The following PLPP4 variants were observed in gnomAD, a reference collection of about 807,000 sequenced individuals.
The protein encoded by PLPP4 is phospholipid phosphatase 4, also known as diacylglycerol pyrophosphate like 2.
PLPP4 carries 20 observed loss-of-function variants against 32.2 expected under a neutral mutation model. That is an observed-to-expected ratio of 0.62 (90% CI 0.44 to 0.90). The LOEUF is 0.90. Ranked by LOEUF, PLPP4 falls within the 40% of genes least tolerant of loss-of-function variation. PLPP4 has a pLI of 0.00. For missense variants in PLPP4, 257 were observed against 353.1 expected, an observed-to-expected ratio of 0.73 and a Z score of 2.18; for synonymous variants, 127 against 133.0, an observed-to-expected ratio of 0.95 and a Z score of 0.31.
intron 1 of PLPP4, among the ~76,000 whole-genome samples, chr10:120,480,459 A>C (rs932870539): frequency 6.6e-6 from 1 of 152,234 alleles, no homozygotes; most frequent in African/African-American, 2.4e-5. Flanking sequence ...TGCGAATGAC[A>C]GAAGACCGAG....
chr10:120,480,442 T>C (rs1844143847), intron 1 of PLPP4, among the ~76,000 whole-genome samples: 1 of 152,158 alleles, frequency 6.6e-6, no homozygotes, highest in African/African-American at 2.4e-5. Flanking sequence ...GCCAGCCTTA[T>C]CAAATTTGCG....
rs535579194 is a variant in PLPP4 at position 120,587,358 on chromosome 10, G to A, written c.617-1945G>A. 7.9e-5 allele frequency: 12 copies of A among 152,318 alleles called. No individual in the cohort carries two copies. The East Asian group carries it at 1.3e-3, about 17-fold the overall frequency. 9.4% of individuals were successfully genotyped at this position (152,318 alleles called of 1,614,324 possible). A position where few individuals can be genotyped will look rare whatever the true frequency, so the allele number is the denominator to read the frequency against. On this transcript the variant is annotated intron_variant, in intron 6 of 6. Coordinates refer to ENST00000398250, the MANE Select transcript of PLPP4 (RefSeq NM_001030059.3). Reference sequence around the variant, plus strand: ...GTCCCAAGTCCAGTTCCAGAGCAGCGTACTGGGCCCCTGGTCTACATGCAC... The same window carrying A: ...GTCCCAAGTCCAGTTCCAGAGCAGCATACTGGGCCCCTGGTCTACATGCAC...
chr10:120,473,859 G>A (rs1372260587), intron 1 of PLPP4, among the ~76,000 whole-genome samples: 72 of 152,066 alleles, frequency 4.7e-4, no homozygotes, highest in Admixed American at 4.6e-3. Flanking sequence ...AGCCTCCCCA[G>A]CCATGCTCCC....
chr10:120,492,347 T>A (rs1250610801), intron 1 of PLPP4, among the ~76,000 whole-genome samples: 4 of 152,238 alleles, frequency 2.6e-5, no homozygotes, highest in African/African-American at 9.6e-5. Flanking sequence ...GGGTGATGCA[T>A]GTGGTTTCTG....
intron 1 of PLPP4, among the ~76,000 whole-genome samples, chr10:120,464,123 T>C (rs552238037): frequency 6.6e-6 from 1 of 152,358 alleles, no homozygotes; most frequent in East Asian, 1.9e-4. Flanking sequence ...GTTTGCAACT[T>C]ACCTGCTGTG....
chr10:120,532,840 G>A (rs1846805326), intron 5 of PLPP4, among the ~76,000 whole-genome samples: 1 of 151,922 alleles, frequency 6.6e-6, no homozygotes, highest in Non-Finnish European at 1.5e-5. Context: ...TTTATTATGT[G>A]GATATAGGTC....
intron 1 of PLPP4, among the ~76,000 whole-genome samples, chr10:120,483,254 C>T (rs1844293073): frequency 6.6e-6 from 1 of 152,156 alleles, no homozygotes. Flanking sequence ...GGTTTTGAGA[C>T]TCCTGCTGAT....
At chr10:120,562,452 A>T (rs552268757) in intron 5 of PLPP4, among the ~76,000 whole-genome samples, 51 of 152,252 alleles carry the variant, frequency 3.3e-4, no homozygotes, top group Admixed American at 2.8e-3. Context: ...TTCTCTAACT[A>T]GGGCTTCTTG....
rs1257265742 is a variant in PLPP4 at position 120,467,407 on chromosome 10, A to G, written c.56+10046A>G. ...GCCCGGCCTGTGTAGGTATATTTTA[A>G]TTGACATCTATCATCACCTTGGTTA... On this transcript the variant is annotated intron_variant, in intron 1 of 6. Coordinates refer to ENST00000398250, the MANE Select transcript of PLPP4 (RefSeq NM_001030059.3). 3.1e-5 allele frequency among the ~76,000 whole-genome samples: 2 copies of G among 64,154 alleles called. 1 individual carries two copies. The highest frequency in any genetic ancestry group is 9.0e-5 in the Non-Finnish European group (2 of 22,100). The allele number at this position is 64,154 out of a possible 152,430, so 42.1% of individuals were successfully genotyped here.
intron 1 of PLPP4, among the ~76,000 whole-genome samples, chr10:120,486,755 G>A (rs1017102702): frequency 6.6e-6 from 1 of 152,224 alleles, no homozygotes; most frequent in Admixed American, 6.5e-5. Flanking sequence ...TGACCAGACA[G>A]GCACAAGTCC....
intron 6 of PLPP4, among the ~76,000 whole-genome samples, chr10:120,582,773 TCCTCCCTCCCTCCCTCCCTC>T (rs1197574182): frequency 6.2e-5 from 3 of 48,398 alleles, no homozygotes; most frequent in Non-Finnish European, 1.0e-4. Flanking sequence ...CTCCCTCCCT[TCCTCCCTCCCTCCCTCCCTC>T]CCTCCCTCCC....
At chr10:120,560,329 C>CAAAAAAAAAAAAAA (rs35132547) in intron 5 of PLPP4, among the ~76,000 whole-genome samples, 1 of 130,612 alleles carries the variant, frequency 7.7e-6, no homozygotes, top group Non-Finnish European at 1.6e-5. Context: ...AGGACCATTG[C>CAAAAAAAAAAAAAA]AAAAAAAAAA....
chr10:120,545,928 G>A (rs1376995378), intron 5 of PLPP4, among the ~76,000 whole-genome samples: 8 of 152,174 alleles, frequency 5.3e-5, no homozygotes, highest in South Asian at 2.1e-4. Context: ...GCAGATGAAC[G>A]TGGAAGGATT....
intron 1 of PLPP4, among the ~76,000 whole-genome samples, chr10:120,490,150 G>A (rs752982129): frequency 4.6e-5 from 7 of 152,300 alleles, no homozygotes; most frequent in South Asian, 2.1e-4. Flanking sequence ...CATAAAGTCC[G>A]GTTGTACCAA....
At chr10:120,553,831 G>T (rs1272309317) in intron 5 of PLPP4, among the ~76,000 whole-genome samples, 1 of 152,228 alleles carries the variant, frequency 6.6e-6, no homozygotes, top group Non-Finnish European at 1.5e-5. Context: ...ACTCAGGGCA[G>T]TGAGGCCCTG....
chr10:120,496,982 A>G (rs1844998112), intron 1 of PLPP4, among the ~76,000 whole-genome samples: 1 of 151,474 alleles, frequency 6.6e-6, no homozygotes, highest in Non-Finnish European at 1.5e-5. Context: ...ATCTGTCATG[A>G]GTCTAGATGC....
intron 5 of PLPP4, among the ~76,000 whole-genome samples, chr10:120,530,248 T>C (rs1846639465): frequency 6.6e-6 from 1 of 152,234 alleles, no homozygotes. Flanking sequence ...TACAGAATAT[T>C]TCCATAACAC....
At chr10:120,512,818 T>G (rs1180738255) in intron 2 of PLPP4, among the ~76,000 whole-genome samples, 2 of 151,934 alleles carry the variant, frequency 1.3e-5, no homozygotes, top group Non-Finnish European at 2.9e-5. Flanking sequence ...TCTAAAAAAA[T>G]AAAAAATACA....
intron 1 of PLPP4, among the ~76,000 whole-genome samples, chr10:120,466,501 G>A (rs868605885): frequency 2.6e-5 from 4 of 152,254 alleles, no homozygotes; most frequent in South Asian, 2.1e-4. Context: ...AAGAGCACAC[G>A]CTTTACGGCT....
Sources: allele counts gnomAD v4.1 joint callset (sites outside exome capture counted in the v4.1 genomes callset), GRCh38; gene constraint gnomAD v4.1.1; transcripts MANE v1.5; gene names NCBI Gene and HGNC (gene_info 2026-07-23, HGNC 2026-07-21).